The following GPC5 variants were observed in gnomAD, a reference collection of about 807,000 sequenced individuals.
GPC5 encodes glypican 5.
In GPC5, 47 loss-of-function variants were observed where a neutral mutation model predicts 53.9. The ratio of observed to expected loss-of-function variants is 0.87; its 90% CI spans 0.69 to 1.11. The LOEUF (loss-of-function observed/expected upper bound fraction) is 1.11. Ranked by LOEUF, GPC5 falls within the 50% of genes most tolerant of loss-of-function variation. The probability of loss-of-function intolerance (pLI) is 0.00; values close to 1 mark genes in which losing one functional copy is unlikely to be tolerated. For synonymous variants in GPC5, 286 were observed against 263.3 expected (o/e 1.09, Z -0.84); for missense variants, 748 against 713.1 (o/e 1.05, Z -0.56).
intron 7 of GPC5, among the ~76,000 whole-genome samples, chr13:92,847,272 G>A (rs1437040727): frequency 1.3e-5 from 2 of 152,192 alleles, no homozygotes; most frequent in African/African-American, 4.8e-5. Flanking sequence ...AGAGTGCAGA[G>A]TTCTGTGGGA....
intron 2 of GPC5, among the ~76,000 whole-genome samples, chr13:91,635,157 A>G (rs533441396): frequency 8.5e-5 from 13 of 152,190 alleles, no homozygotes; most frequent in Admixed American, 6.5e-4. Context: ...CTCCAACCTT[A>G]ATTTCTATTT....
intron 7 of GPC5, among the ~76,000 whole-genome samples, chr13:92,739,285 T>C (rs1168661630): frequency 6.6e-6 from 1 of 152,054 alleles, no homozygotes; most frequent in African/African-American, 2.4e-5. Context: ...GAGCTAGAAA[T>C]TTAAAGTGAA....
At chr13:91,494,383 A>G (rs1884132520) in intron 2 of GPC5, among the ~76,000 whole-genome samples, 1 of 151,022 alleles carries the variant, frequency 6.6e-6, no homozygotes, top group African/African-American at 2.4e-5. Context: ...ACTTCTTCCT[A>G]TCAGCATACT....
At chr13:92,815,801 A>G (rs969190739) in intron 7 of GPC5, among the ~76,000 whole-genome samples, 2 of 151,880 alleles carry the variant, frequency 1.3e-5, no homozygotes, top group Non-Finnish European at 2.9e-5. Context: ...GAAATATGAG[A>G]AGGTAAAAAA....
chr13:91,734,944 T>A (rs946146641), intron 4 of GPC5, among the ~76,000 whole-genome samples: 1 of 151,216 alleles, frequency 6.6e-6, no homozygotes, highest in Non-Finnish European at 1.5e-5. Context: ...AGATTTTTTT[T>A]CAGATTAAAT....
At chr13:91,878,288 C>T (rs2039226611) in intron 5 of GPC5, among the ~76,000 whole-genome samples, 1 of 152,096 alleles carries the variant, frequency 6.6e-6, no homozygotes, top group African/African-American at 2.4e-5. Context: ...TATTTGCTCT[C>T]CTACATATCT....
intron 7 of GPC5, among the ~76,000 whole-genome samples, chr13:92,378,258 A>C (rs2043710703): frequency 6.6e-6 from 1 of 152,152 alleles, no homozygotes; most frequent in South Asian, 2.1e-4. Flanking sequence ...ATAAATGTGA[A>C]ATTAAGGGGT....
chr13:92,843,990 T>G (rs895049993), intron 7 of GPC5, among the ~76,000 whole-genome samples: 6 of 151,342 alleles, frequency 4.0e-5, no homozygotes, highest in Admixed American at 3.3e-4. Context: ...CAAATAATCA[T>G]GATCTAGTGT....
chr13:92,715,716 G>C (rs8002249), intron 7 of GPC5, among the ~76,000 whole-genome samples: 10,001 of 152,242 alleles, frequency 0.066, 387 homozygotes, highest in South Asian at 0.12. Flanking sequence ...GTATACAGTA[G>C]AGAAAATACA....
At chr13:92,437,821 T>C (rs969988935) in intron 7 of GPC5, among the ~76,000 whole-genome samples, 1 of 152,046 alleles carries the variant, frequency 6.6e-6, no homozygotes, top group Non-Finnish European at 1.5e-5. Flanking sequence ...TCCAACTTCC[T>C]TCAGGTTATT....
intron 7 of GPC5, among the ~76,000 whole-genome samples, chr13:92,543,626 G>A (rs1394176186): frequency 6.6e-6 from 1 of 151,994 alleles, no homozygotes; most frequent in Non-Finnish European, 1.5e-5. Flanking sequence ...AGATTTACTG[G>A]GAAGGATAGA....
intron 7 of GPC5, among the ~76,000 whole-genome samples, chr13:92,859,568 T>C (rs1879114195): frequency 6.6e-6 from 1 of 152,120 alleles, no homozygotes; most frequent in Admixed American, 6.6e-5. Context: ...AAAATAATTT[T>C]CTGAATCATT....
intron 7 of GPC5, chr13:92,658,863 G>C (rs1178018169): frequency 1.3e-5 from 2 of 150,340 alleles, no homozygotes; most frequent in Non-Finnish European, 3.0e-5. Flanking sequence ...TGTATGTTTT[G>C]CTCTTATTTT....
At chr13:91,924,583 A>G (rs1489081024) in intron 6 of GPC5, among the ~76,000 whole-genome samples, 1 of 151,738 alleles carries the variant, frequency 6.6e-6, no homozygotes, top group African/African-American at 2.4e-5. Flanking sequence ...TAAAAAAAAA[A>G]GTAAAGCATT....
At chr13:91,698,957 T>C (rs558363876) in intron 3 of GPC5, among the ~76,000 whole-genome samples, 1 of 152,292 alleles carries the variant, frequency 6.6e-6, no homozygotes, top group African/African-American at 2.4e-5. Flanking sequence ...TTGCATATAA[T>C]TTCAGTGACT....
intron 2 of GPC5, among the ~76,000 whole-genome samples, chr13:91,684,902 A>T (rs887210240): frequency 6.6e-6 from 1 of 152,038 alleles, no homozygotes; most frequent in East Asian, 1.9e-4. Context: ...CTCCAATCAC[A>T]TTGACTTTCC....
intron 7 of GPC5, among the ~76,000 whole-genome samples, chr13:92,711,851 G>A (rs1416678021): frequency 6.6e-6 from 1 of 151,594 alleles, no homozygotes; most frequent in African/African-American, 2.4e-5. Flanking sequence ...AGTTTCAAGA[G>A]AAAAAAATAG....
intron 6 of GPC5, among the ~76,000 whole-genome samples, chr13:91,922,714 G>A (rs1055604978): frequency 2.6e-5 from 4 of 151,938 alleles, no homozygotes; most frequent in African/African-American, 9.7e-5. Context: ...TTGGATTATT[G>A]AGTGAGATCT....
chr13:91,701,121 G>T (rs1046180774), intron 3 of GPC5, among the ~76,000 whole-genome samples: 11 of 151,838 alleles, frequency 7.2e-5, no homozygotes, highest in Non-Finnish European at 1.6e-4. Context: ...TGTATTTATG[G>T]TGTACAACAT....
Sources: allele counts gnomAD v4.1 joint callset (sites outside exome capture counted in the v4.1 genomes callset), GRCh38; gene constraint gnomAD v4.1.1; transcripts MANE v1.5; gene names NCBI Gene and HGNC (gene_info 2026-07-23, HGNC 2026-07-21).